The following NPAS3 variants were observed in gnomAD, a reference collection of about 807,000 sequenced individuals.
NPAS3 encodes neuronal PAS domain-containing protein 3.
Under a neutral mutation model 73.1 loss-of-function variants are expected in NPAS3, and 14 were observed. The ratio of observed to expected loss-of-function variants is 0.19; its 90% CI spans 0.13 to 0.30. NPAS3 has a LOEUF of 0.30. Among genes scored for constraint, NPAS3 ranks in the 10% least tolerant of loss-of-function variants. The probability of loss-of-function intolerance (pLI) is 1.00; values close to 1 mark genes in which losing one functional copy is unlikely to be tolerated. For synonymous variants in NPAS3, 620 were observed against 541.5 expected, an observed-to-expected ratio of 1.14 and a Z score of -2.01; for missense variants, 1,096 against 1,250.0, an observed-to-expected ratio of 0.88 and a Z score of 1.86.
chr14:33,248,675 TAATA>T (rs2048473874), intron 3 of NPAS3, among the ~76,000 whole-genome samples: 1 of 152,118 alleles, frequency 6.6e-6, no homozygotes, highest in Non-Finnish European at 1.5e-5. Flanking sequence ...GTATTAAGAG[TAATA>T]AATAAAACTT....
At chr14:33,576,529 T>C (rs1419026880) in intron 5 of NPAS3, among the ~76,000 whole-genome samples, 2 of 152,200 alleles carry the variant, frequency 1.3e-5, no homozygotes, top group Non-Finnish European at 2.9e-5. Flanking sequence ...CCCTGAATCA[T>C]TTAAAAAGCT....
intron 1 of NPAS3, among the ~76,000 whole-genome samples, chr14:32,979,681 A>T (rs1225873960): frequency 1.3e-5 from 2 of 152,196 alleles, no homozygotes; most frequent in African/African-American, 4.8e-5. Context: ...AGGGATTTAA[A>T]TGCATCATAT....
At chr14:33,075,843 G>T (rs2041640345) in intron 2 of NPAS3, among the ~76,000 whole-genome samples, 1 of 152,134 alleles carries the variant, frequency 6.6e-6, no homozygotes, top group South Asian at 2.1e-4. Context: ...AACATTTTAA[G>T]ATTTGGTTTC....
chr14:33,408,451 T>A (rs1013826383), intron 4 of NPAS3, among the ~76,000 whole-genome samples: 4 of 152,142 alleles, frequency 2.6e-5, no homozygotes, highest in South Asian at 2.1e-4. Context: ...CTTTTTTTTT[T>A]AATCTCTTCT....
chr14:32,998,218 T>A (rs748311801), intron 1 of NPAS3, among the ~76,000 whole-genome samples: 28 of 152,236 alleles, frequency 1.8e-4, no homozygotes, highest in Admixed American at 3.3e-4. Flanking sequence ...GAAGTACTGA[T>A]ACATGTACCA....
At chr14:33,539,647 G>T (rs922895445) in intron 4 of NPAS3, among the ~76,000 whole-genome samples, 2 of 152,058 alleles carry the variant, frequency 1.3e-5, no homozygotes, top group African/African-American at 2.4e-5. Context: ...CCCACAAAAA[G>T]AAGTGAAAGT....
At chr14:33,327,883 C>T (rs1006938257) in intron 3 of NPAS3, among the ~76,000 whole-genome samples, 1 of 152,128 alleles carries the variant, frequency 6.6e-6, no homozygotes, top group Admixed American at 6.5e-5. Context: ...AGATACCACC[C>T]ATTGTTTTAT....
intron 9 of NPAS3, among the ~76,000 whole-genome samples, chr14:33,788,796 C>T (rs1461249686): frequency 6.6e-6 from 1 of 152,096 alleles, no homozygotes; most frequent in Non-Finnish European, 1.5e-5. Flanking sequence ...ACTGAAATCC[C>T]TCTGTTGGTA....
intron 1 of NPAS3, among the ~76,000 whole-genome samples, chr14:33,048,115 A>G (rs1265826951): frequency 1.3e-5 from 2 of 152,160 alleles, no homozygotes; most frequent in Non-Finnish European, 2.9e-5. Context: ...GGCTCTACTC[A>G]TTTATCAGTT....
intron 3 of NPAS3, 104 bp downstream of exon 3, chr14:33,215,530 T>C (rs756825391): frequency 5.6e-6 from 7 of 1,256,420 alleles, no homozygotes; most frequent in Non-Finnish European, 8.2e-6. Context: ...TATCAAATCC[T>C]TTAAAGGGAT....
intron 3 of NPAS3, among the ~76,000 whole-genome samples, chr14:33,251,396 T>C (rs2048579528): frequency 6.6e-6 from 1 of 152,110 alleles, no homozygotes; most frequent in Non-Finnish European, 1.5e-5. Context: ...AAGTCAAATG[T>C]GGCTAAGAGG....
At position 33,800,365 on chromosome 14, in the gene NPAS3, C is replaced by T; in HGVS notation, c.2058C>T (p.Pro686=). The stretch of plus-strand genomic sequence containing the variant: ...CCCCCTACAGCATGACCAAGCCCCC[C>T]AGCTCTGAGCACTTCCCGTCCCCGC... The change falls in exon 12 of 12, where the codon CCC becomes CCT. Residue 686 remains proline, a synonymous_variant. Transcript: ENST00000356141. This position sits in a 1 kb window ranked among gnomAD's most constrained non-coding sequence, Gnocchi z 6.5. 6.2e-7 allele frequency: 1 copy of T among 1,610,698 alleles called. No individual in the cohort carries two copies. The highest frequency in any genetic ancestry group is 8.5e-7 in the Non-Finnish European group (1 of 1,178,876).
At chr14:32,984,461 A>G (rs1241971483) in intron 1 of NPAS3, among the ~76,000 whole-genome samples, 1 of 152,220 alleles carries the variant, frequency 6.6e-6, no homozygotes, top group Non-Finnish European at 1.5e-5. Context: ...CTGGTTTTTC[A>G]TCAACATTTT....
rs2058482826 is a variant in NPAS3 at position 33,635,256 on chromosome 14, T to C, written c.559-40955T>C. Among the ~76,000 whole-genome samples the C allele has an allele frequency of 2.6e-5, 4 of 152,196 alleles. No individual in the cohort carries two copies. The South Asian group carries it at 8.3e-4, about 32-fold the overall frequency. On this transcript the variant is annotated intron_variant, in intron 5 of 11. Transcript: ENST00000356141. ...GGATATGCCCATCACATCTGAGAAT[T>C]AGCAGATTGGTGGAGATTCTGGCTA...
At chr14:33,249,313 A>G (rs1315596000) in intron 3 of NPAS3, among the ~76,000 whole-genome samples, 3 of 149,906 alleles carry the variant, frequency 2.0e-5, no homozygotes, top group African/African-American at 7.4e-5. Flanking sequence ...GTTGGTGCTC[A>G]TCCACTTTAC....
At chr14:32,946,081 T>G (rs531928308) in intron 1 of NPAS3, among the ~76,000 whole-genome samples, 137 of 152,324 alleles carry the variant, frequency 9.0e-4, no homozygotes, top group African/African-American at 3.1e-3. Flanking sequence ...TCTGAATAAC[T>G]CATTTTAGTA....
intron 2 of NPAS3, among the ~76,000 whole-genome samples, chr14:33,137,475 T>C (rs1287368337): frequency 6.6e-6 from 1 of 152,190 alleles, no homozygotes; most frequent in African/African-American, 2.4e-5. Flanking sequence ...AATGTATCTG[T>C]TGGATTTTAA....
intron 3 of NPAS3, among the ~76,000 whole-genome samples, chr14:33,319,241 G>T (rs1026489690): frequency 6.6e-6 from 1 of 152,102 alleles, no homozygotes; most frequent in Non-Finnish European, 1.5e-5. Flanking sequence ...TTAAAGGCTA[G>T]GCAGGAGCTA....
intron 1 of NPAS3, among the ~76,000 whole-genome samples, chr14:32,955,401 G>A (rs1294103766): frequency 2.6e-5 from 4 of 152,068 alleles, no homozygotes; most frequent in Non-Finnish European, 5.9e-5. Context: ...AGTCCAATAT[G>A]TTTGGAGATC....
Sources: allele counts gnomAD v4.1 joint callset (sites outside exome capture counted in the v4.1 genomes callset), GRCh38; gene constraint gnomAD v4.1.1; non-coding constraint Gnocchi (gnomAD v3.1); transcripts MANE v1.5; gene names NCBI Gene and HGNC (gene_info 2026-07-23, HGNC 2026-07-21).